The following KIAA1549 variants were observed in gnomAD, a reference collection of about 807,000 sequenced individuals.
The protein encoded by KIAA1549 is KIAA1549, also known as UPF0606 protein KIAA1549.
KIAA1549 carries 70 observed loss-of-function variants against 156.4 expected under a neutral mutation model. That is an observed-to-expected ratio of 0.45 (90% CI 0.37 to 0.55). The LOEUF is 0.55. Among genes scored for constraint, KIAA1549 ranks in the 20% least tolerant of loss-of-function variants. The pLI is 0.00. For synonymous variants in KIAA1549, 1,103 were observed against 1,066.4 expected (o/e 1.03, Z -0.67); for missense variants, 2,428 against 2,540.9 (o/e 0.96, Z 0.96).
chr7:138,971,739 C>T (rs1223685972), intron 1 of KIAA1549, among the ~76,000 whole-genome samples: 2 of 152,158 alleles, frequency 1.3e-5, no homozygotes, highest in Non-Finnish European at 2.9e-5. Context: ...ACATCACTTC[C>T]CTTCTCTTGC....
At chr7:138,927,159 A>C (rs192865599) in intron 1 of KIAA1549, among the ~76,000 whole-genome samples, 6 of 152,272 alleles carry the variant, frequency 3.9e-5, no homozygotes, top group African/African-American at 1.2e-4. Flanking sequence ...TTTCATTTTC[A>C]CTTCAACATG....
chr7:138,906,938 T>G lies in KIAA1549; in HGVS notation c.3441A>C (p.Pro1147=), dbSNP rs1211932990. The change falls in exon 6 of 20, where the codon CCA becomes CCC. Residue 1147 remains proline (P), a synonymous_variant. Transcript: ENST00000422774. ...VVEFSFYLGY[P]VLQIAEPFQY... ...ACTCACGCTCTGCGATCTGCAGCAC[T>G]GGGTATCCCAGATAGAAACTGAACT... 3 of 1,606,146 alleles carry G rather than the reference T, an allele frequency of 1.9e-6. No individual in the cohort carries two copies. Among genetic ancestry groups the G allele is most frequent in the Non-Finnish European group, 2.5e-6 (3 of 1,176,756 alleles).
At position 138,918,691 on chromosome 7, in the gene KIAA1549, T is replaced by C. The variant is rs1388170107; in HGVS notation, c.935A>G (p.Glu312Gly). The change falls in exon 2 of 20, where the codon GAG (glutamate) becomes GGG (glycine). Residue 312 changes from glutamate to glycine, a missense_variant. By Grantham distance (98) the Glu-to-Gly change is moderately conservative. Transcript: ENST00000422774. The surrounding 1 kb of genome is among the most constrained non-coding windows in gnomAD (Gnocchi z 4.2). ...GTCTGCACTTGTGGCCCAAACCTCC[T>C]CTGGAGGCTGTGAGACCTCCCCCAA... Reference protein sequence around the residue: ...PSLGEVSQPPEEVWATSADRY... With the variant: ...PSLGEVSQPPGEVWATSADRY... The C allele has an allele frequency of 6.2e-7, 1 of 1,613,684 alleles. No individual in the cohort carries two copies. Among genetic ancestry groups the C allele is most frequent in the Non-Finnish European group, 8.5e-7 (1 of 1,179,884 alleles).
chr7:138,909,548 AT>A lies in KIAA1549; in HGVS notation c.3146-428del, dbSNP rs535194824. 3.4e-3 allele frequency among the ~76,000 whole-genome samples: 523 copies of A among 152,220 alleles called. 4 individuals are homozygous for A. The highest frequency in any genetic ancestry group is 0.012 in the African/African-American group (500 of 41,546). ...GAAACAAAATTGGTGATGTTGATAA[AT>A]TTTTTTTAAGCTTAACCATGGGTAT... On this transcript the variant is annotated intron_variant, in intron 4 of 19. Coordinates refer to ENST00000422774, the MANE Select transcript of KIAA1549 (RefSeq NM_001164665.2).
chr7:138,896,206 G>C (rs1811680256), intron 9 of KIAA1549, among the ~76,000 whole-genome samples: 1 of 152,196 alleles, frequency 6.6e-6, no homozygotes, highest in Non-Finnish European at 1.5e-5. Context: ...CATGGGCAGG[G>C]ACTAAGTCTT....
chr7:138,980,694 C>A (rs1814518758), intron 1 of KIAA1549, among the ~76,000 whole-genome samples: 1 of 152,184 alleles, frequency 6.6e-6, no homozygotes, highest in Admixed American at 6.5e-5. Context: ...CTCTTCGCCC[C>A]GACAATAAAG....
At chr7:138,955,254 T>C (rs1170714463) in intron 1 of KIAA1549, among the ~76,000 whole-genome samples, 1 of 152,220 alleles carries the variant, frequency 6.6e-6, no homozygotes, top group Non-Finnish European at 1.5e-5. Context: ...CACTGGCTGA[T>C]GAATGAATAA....
rs763740725 is a variant in KIAA1549, at chr7:138,868,064, C to T, written c.4840G>A (p.Ala1614Thr). The T allele has an allele frequency of 1.5e-5, 24 of 1,613,850 alleles. No individual in the cohort carries two copies. Among genetic ancestry groups the T allele is most frequent in the Non-Finnish European group, 1.9e-5 (23 of 1,179,842 alleles). The change falls in exon 15 of 20, where the codon GCT (alanine) becomes ACT (threonine). Residue 1614 changes from alanine (A) to threonine (T), a missense_variant. By Grantham distance (58) the Ala-to-Thr change is moderately conservative. This residue lies in a region of KIAA1549 where 404 missense variants were observed against 417.0 expected (regional missense o/e 0.97). Transcript: ENST00000422774. ...KHQVNGCPAD[A>T]EKDRLITTDS... ...GTGGTGATGAGCCGGTCCTTCTCAG[C>T]GTCGGCAGGACAGCCGTTGACCTGG...
In KIAA1549 at chr7:138,917,163, G is replaced by A. The variant is rs953876043; in HGVS notation, c.2463C>T (p.His821=). 8 of 1,613,910 alleles carry A rather than the reference G, an allele frequency of 5.0e-6. No homozygotes were observed. The highest frequency in any genetic ancestry group is 1.6e-4 in the Middle Eastern group (1 of 6,062). Residue 821 remains histidine (H), a synonymous_variant, in exon 2 of 20, where the codon CAC becomes CAT. Coordinates refer to ENST00000422774, the MANE Select transcript of KIAA1549 (RefSeq NM_001164665.2). ...PDDQISALDG[H]VSVLASFSKA... ...TGGAGAAAGAGGCCAGGACAGACAC[G>A]TGACCGTCTAGAGCACTGATTTGGT...
rs996029218 is a variant in KIAA1549 at position 138,981,256 on chromosome 7, C to T, written c.14G>A (p.Arg5Gln). 7.1e-5 allele frequency: 70 copies of T among 981,310 alleles called. No individual in the cohort carries two copies. Among genetic ancestry groups the T allele is most frequent in the African/African-American group, 2.5e-4 (14 of 56,676 alleles). 60.8% of individuals were successfully genotyped at this position (981,310 alleles called of 1,614,324 possible). A position where few individuals can be genotyped will look rare whatever the true frequency, so the allele number is the denominator to read the frequency against. The change falls in exon 1 of 20, where the codon CGG (arginine) becomes CAG (glutamine). Residue 5 changes from arginine (R) to glutamine (Q), a missense_variant. Physicochemically the swap from Arg to Gln is conservative, Grantham distance 43. Coordinates refer to ENST00000422774, the MANE Select transcript of KIAA1549 (RefSeq NM_001164665.2). This position sits in a 1 kb window ranked among gnomAD's most constrained non-coding sequence, Gnocchi z 4.5. Reference sequence around the variant, plus strand: ...CATGGCCGCGCCTCGGCGTCGGCGCCGCGCCCCCGGCATTCCCGGCCGGCG... The same window carrying T: ...CATGGCCGCGCCTCGGCGTCGGCGCTGCGCCCCCGGCATTCCCGGCCGGCG... Reference protein sequence around the residue: MPGARRRRRGAAMEG... With the variant: MPGAQRRRRGAAMEG...
intron 9 of KIAA1549, among the ~76,000 whole-genome samples, chr7:138,897,892 CAAAAAA>C (rs59242488): frequency 0.12 from 3,253 of 26,908 alleles, 14 homozygotes; most frequent in Non-Finnish European, 0.16. Flanking sequence ...GACCCTTTCT[CAAAAAA>C]AAAAAAAAAA....
intron 1 of KIAA1549, among the ~76,000 whole-genome samples, chr7:138,926,318 G>A (rs898971188): frequency 1.3e-5 from 2 of 151,536 alleles, no homozygotes; most frequent in Non-Finnish European, 2.9e-5. Context: ...GACAGGTTTT[G>A]TTGTGTCAGC....
intron 15 of KIAA1549, among the ~76,000 whole-genome samples, chr7:138,865,166 C>A (rs1391161984): frequency 6.6e-6 from 1 of 151,974 alleles, no homozygotes; most frequent in Non-Finnish European, 1.5e-5. Context: ...GAGGTTGAAG[C>A]TGCAGTGAGC....
At chr7:138,910,107 T>C (rs867528047) in intron 4 of KIAA1549, among the ~76,000 whole-genome samples, 1 of 152,140 alleles carries the variant, frequency 6.6e-6, no homozygotes, top group African/African-American at 2.4e-5. Context: ...AGATAGTAGA[T>C]GGGGGTGTGG....
In KIAA1549 at chr7:138,918,384, T is replaced by C; in HGVS notation, c.1242A>G (p.Ser414=). Residue 414 remains serine, a synonymous_variant, in exon 2 of 20, where the codon TCA becomes TCG. Transcript: ENST00000422774. The surrounding 1 kb of genome is among the most constrained non-coding windows in gnomAD (Gnocchi z 4.2). ...DNTHILSPVS[S]FRPYTWCAAC... is the part of the protein sequence containing the mutation. ...CCGCACACCAAGTGTATGGTCTGAA[T>C]GAGGACACCGGGCTCAGGATATGAG... 1 of 1,613,956 alleles carries C rather than the reference T, an allele frequency of 6.2e-7. No individual in the cohort carries two copies. Among genetic ancestry groups the C allele is most frequent in the Non-Finnish European group, 8.5e-7 (1 of 1,179,886 alleles).
At position 138,918,080 on chromosome 7, in the gene KIAA1549, C is replaced by T. The variant is rs770202390; in HGVS notation, c.1546G>A (p.Val516Ile). The change falls in exon 2 of 20, where the codon GTT becomes ATT. Residue 516 changes from valine (V) to isoleucine (I), a missense_variant. By Grantham distance (29) the Val-to-Ile change is conservative. Around this residue, in one of 5 missense-constraint regions of KIAA1549, gnomAD observed 893 missense variants for 847.9 expected, o/e 1.05. Transcript: ENST00000422774. The surrounding 1 kb of genome is among the most constrained non-coding windows in gnomAD (Gnocchi z 4.2). ...GCAGGGGGAACCTGTGTGGTTGTAACACTACTCATATCCACCTCGGCAGAA... is the reference window on the plus strand; with the variant it reads ...GCAGGGGGAACCTGTGTGGTTGTAATACTACTCATATCCACCTCGGCAGAA... ...GISAEVDMSSVTTTQVPPAHG... is the reference protein window; with the variant it reads ...GISAEVDMSSITTTQVPPAHG... The T allele has an allele frequency of 3.7e-6, 6 of 1,613,604 alleles. No individual in the cohort carries two copies. Among genetic ancestry groups the T allele is most frequent in the African/African-American group, 1.3e-5 (1 of 74,926 alleles).
intron 1 of KIAA1549, among the ~76,000 whole-genome samples, chr7:138,970,679 C>T (rs566506168): frequency 1.3e-5 from 2 of 152,318 alleles, no homozygotes; most frequent in South Asian, 2.1e-4. Context: ...GATGCTGATG[C>T]TGCTGATCCG....
rs752132619 is a variant in KIAA1549 at position 138,916,797 on chromosome 7, C to T, written c.2829G>A (p.Pro943=). The T allele has an allele frequency of 1.1e-5, 18 of 1,613,784 alleles. No homozygotes were observed. In the African/African-American group the frequency reaches 1.7e-4, roughly 16 times the overall value. The change falls in exon 2 of 20, where the codon CCG becomes CCA. Residue 943 remains proline (P), a synonymous_variant. Transcript: ENST00000422774. ...VDTPTLATAK[P]PYVCDITVPD... ...GGACTGTGATATCACAAACATATGG[C>T]GGCTTGGCAGTAGCCAGTGTTGGTG... is the stretch of plus-strand genomic sequence containing the variant.
rs371131658 is a variant in KIAA1549, at chr7:138,909,069, C to A, written c.3198G>T (p.Gln1066His). 4.0e-5 allele frequency: 64 copies of A among 1,613,794 alleles called. No homozygotes were observed. Among genetic ancestry groups the A allele is most frequent in the South Asian group, 1.6e-4 (15 of 91,072 alleles). ...CTGTCATTAGGCCTTTCTCAATGCG[C>A]TGGGTGAAGTTGCAGAAGCCAGTAT... Reference protein sequence around the residue: ...SVDTGFCNFTQRIEKGLMTAL... With the variant: ...SVDTGFCNFTHRIEKGLMTAL... The change falls in exon 5 of 20, where the codon CAG becomes CAT. Residue 1066 changes from glutamine to histidine, a missense_variant. By Grantham distance (24) the Gln-to-His change is conservative (BLOSUM62 0). Around this residue, in one of 5 missense-constraint regions of KIAA1549, gnomAD observed 762 missense variants for 901.6 expected, o/e 0.85. Coordinates refer to ENST00000422774, the MANE Select transcript of KIAA1549 (RefSeq NM_001164665.2).
Sources: allele counts gnomAD v4.1 joint callset (sites outside exome capture counted in the v4.1 genomes callset), GRCh38; gene constraint gnomAD v4.1.1; regional missense constraint gnomAD v4.1.1; non-coding constraint Gnocchi (gnomAD v3.1); transcripts MANE v1.5; gene names NCBI Gene and HGNC (gene_info 2026-07-23, HGNC 2026-07-21).